Variants in SETD3 observed in about 807,000 individuals in gnomAD.
SETD3 encodes SET domain containing 3, actin N3(tau)-histidine methyltransferase.
In SETD3, 19 loss-of-function variants were observed where a neutral mutation model predicts 63.0. The observed-to-expected ratio is 0.30, with a 90% CI of 0.21 to 0.44. The LOEUF is 0.44. SETD3 is among the 20% of genes least tolerant of loss of function. The pLI is 1.00. For missense variants in SETD3, 587 were observed against 728.5 expected (o/e 0.81, Z 2.24); for synonymous variants, 286 against 264.1 (o/e 1.08, Z -0.80).
At chr14:99,415,994 C>T (rs1161335542) in intron 6 of SETD3, among the ~76,000 whole-genome samples, 2 of 152,206 alleles carry the variant, frequency 1.3e-5, no homozygotes, top group African/African-American at 4.8e-5. Flanking sequence ...AAAACAGCTA[C>T]TACTTCAGCT....
At chr14:99,403,151 T>C (rs1891473218) in intron 11 of SETD3, among the ~76,000 whole-genome samples, 1 of 152,188 alleles carries the variant, frequency 6.6e-6, no homozygotes, top group Non-Finnish European at 1.5e-5. Context: ...CTGCCTCTCC[T>C]GTTTCGGGAC....
At chr14:99,419,007 C>A (rs1035147123) in intron 6 of SETD3, among the ~76,000 whole-genome samples, 1 of 152,072 alleles carries the variant, frequency 6.6e-6, no homozygotes, top group Non-Finnish European at 1.5e-5. Context: ...TACAGTTGAA[C>A]AGAATGACAA....
At chr14:99,480,418 C>T (rs995212316) in intron 1 of SETD3, among the ~76,000 whole-genome samples, 64 of 151,780 alleles carry the variant, frequency 4.2e-4, no homozygotes, top group Non-Finnish European at 7.7e-4. Context: ...GGCGCGGGGC[C>T]CGGGAGCGTG....
chr14:99,475,566 C>A (rs1895932338), intron 1 of SETD3, among the ~76,000 whole-genome samples: 1 of 152,222 alleles, frequency 6.6e-6, no homozygotes, highest in Non-Finnish European at 1.5e-5. Flanking sequence ...TTTTGTGTCT[C>A]CCCAAAGTTT....
At chr14:99,414,854 C>T (rs1032928744) in intron 6 of SETD3, among the ~76,000 whole-genome samples, 4 of 152,164 alleles carry the variant, frequency 2.6e-5, no homozygotes, top group Admixed American at 6.5e-5. Flanking sequence ...CTGCTGAAGC[C>T]GGGTCTCCGC....
At chr14:99,453,564 C>T (rs1894583368) in intron 6 of SETD3, among the ~76,000 whole-genome samples, 1 of 152,076 alleles carries the variant, frequency 6.6e-6, no homozygotes, top group African/African-American at 2.4e-5. Context: ...GTGGCTTATG[C>T]CTGTAATCCC....
intron 9 of SETD3, among the ~76,000 whole-genome samples, chr14:99,406,294 T>G (rs1350404140): frequency 2.0e-5 from 3 of 152,232 alleles, no homozygotes; most frequent in Non-Finnish European, 4.4e-5. Flanking sequence ...TAAATCTTTT[T>G]CTCTGTGGAC....
In SETD3 at chr14:99,448,914, G is replaced by T. The variant is rs1046848531; in HGVS notation, c.675+9365C>A. ...TCTGCTGTGTTATGCATCAATTTCA[G>T]CAATTTTTTATTAAGCACTCCATGC... On this transcript the variant is annotated intron_variant, in intron 6 of 12. Transcript: ENST00000331768. 3.3e-5 allele frequency among the ~76,000 whole-genome samples: 5 copies of T among 152,174 alleles called. 1 individual carries two copies. Among genetic ancestry groups the T allele is most frequent in the African/African-American group, 1.2e-4 (5 of 41,430 alleles).
At chr14:99,400,966 C>G (rs1409033201) in intron 11 of SETD3, among the ~76,000 whole-genome samples, 1 of 152,000 alleles carries the variant, frequency 6.6e-6, no homozygotes, top group Non-Finnish European at 1.5e-5. Flanking sequence ...GTGGCGAAAC[C>G]CCATCTCTAC....
chr14:99,409,523 T>C (rs760561999), intron 8 of SETD3, among the ~76,000 whole-genome samples: 7 of 152,200 alleles, frequency 4.6e-5, no homozygotes, highest in Non-Finnish European at 7.3e-5. Flanking sequence ...CATCTGTGGC[T>C]GGCTTGGTAA....
At chr14:99,460,828 C>G (rs1895024934) in intron 4 of SETD3, among the ~76,000 whole-genome samples, 1 of 152,144 alleles carries the variant, frequency 6.6e-6, no homozygotes, top group Admixed American at 6.5e-5. Context: ...GTAGGCATAC[C>G]CACACCGCCA....
intron 6 of SETD3, among the ~76,000 whole-genome samples, chr14:99,447,161 C>T (rs1443485636): frequency 5.9e-5 from 9 of 152,076 alleles, no homozygotes; most frequent in South Asian, 2.1e-4. Context: ...TTAGTAGAGA[C>T]GGGGTTTCAC....
At chr14:99,420,400 A>G (rs1892521946) in intron 6 of SETD3, among the ~76,000 whole-genome samples, 1 of 152,320 alleles carries the variant, frequency 6.6e-6, no homozygotes, top group East Asian at 1.9e-4. Context: ...GGACAAAAAA[A>G]TCTTCTTTCT....
chr14:99,433,538 A>G (rs1253233997), intron 6 of SETD3, among the ~76,000 whole-genome samples: 1 of 151,970 alleles, frequency 6.6e-6, no homozygotes, highest in African/African-American at 2.4e-5. Context: ...CCCAGGTTTA[A>G]GCGATTCTCC....
At chr14:99,468,662 G>C (rs972447768) in intron 1 of SETD3, among the ~76,000 whole-genome samples, 1 of 152,068 alleles carries the variant, frequency 6.6e-6, no homozygotes, top group Non-Finnish European at 1.5e-5. Context: ...CCCCTTGACT[G>C]TAATATTTTA....
intron 11 of SETD3, among the ~76,000 whole-genome samples, chr14:99,400,661 C>A (rs751692206): frequency 3.9e-5 from 6 of 152,116 alleles, no homozygotes; most frequent in Non-Finnish European, 7.3e-5. Flanking sequence ...TTTAGGTGAA[C>A]GATGTAAACG....
chr14:99,417,424 G>T (rs1398295033), intron 6 of SETD3, among the ~76,000 whole-genome samples: 1 of 152,186 alleles, frequency 6.6e-6, no homozygotes, highest in Non-Finnish European at 1.5e-5. Context: ...ATGAATTTTT[G>T]ATGTACTATC....
At chr14:99,428,556 G>A (rs1236006500) in intron 6 of SETD3, among the ~76,000 whole-genome samples, 1 of 152,168 alleles carries the variant, frequency 6.6e-6, no homozygotes, top group East Asian at 1.9e-4. Context: ...TGAGGTGGGA[G>A]GATTGTTTGA....
intron 6 of SETD3, among the ~76,000 whole-genome samples, chr14:99,442,964 C>T (rs531953665): frequency 4.6e-5 from 7 of 152,310 alleles, no homozygotes; most frequent in African/African-American, 7.2e-5. Flanking sequence ...CACACTCTGA[C>T]GCGGACGGGA....
Sources: gnomAD v4.1 joint callset for allele counts (sites outside exome capture counted in the v4.1 genomes callset) on GRCh38, gnomAD v4.1.1 for gene constraint, MANE v1.5 for transcripts, NCBI Gene and HGNC (gene_info 2026-07-23, HGNC 2026-07-21) for gene names.